The following USP34 variants were observed in gnomAD, a reference collection of about 807,000 sequenced individuals.
The protein encoded by USP34 is ubiquitin specific peptidase 34, also known as ubiquitin carboxyl-terminal hydrolase 34.
A neutral mutation model predicts 460.3 loss-of-function variants in USP34; 70 were observed. The observed-to-expected ratio is 0.15, with a 90% confidence interval of 0.13 to 0.19. USP34 has a LOEUF of 0.19. Ranked by LOEUF, USP34 falls within the 10% of genes least tolerant of loss-of-function variation. USP34 has a pLI of 1.00. For synonymous variants in USP34, 1,647 were observed against 1,405.3 expected (o/e 1.17, Z -3.85); for missense variants, 3,985 against 4,236.2 (o/e 0.94, Z 1.65).
At chr2:61,355,518 A>T (rs879925466) in intron 10 of USP34, among the ~76,000 whole-genome samples, 4 of 152,214 alleles carry the variant, frequency 2.6e-5, no homozygotes, top group Non-Finnish European at 5.9e-5. Context: ...GTATAAATTG[A>T]AATTAGATTG....
intron 71 of USP34, 82 bp downstream of exon 71, chr2:61,206,678 T>G: frequency 6.6e-7 from 1 of 1,521,952 alleles, no homozygotes; most frequent in South Asian, 1.3e-5. Flanking sequence ...TAAAAACAAT[T>G]TCTCTGGGGC....
chr2:61,349,224 C>A (rs374524903), intron 13 of USP34, 26 bp downstream of exon 13: 9 of 1,605,676 alleles, frequency 5.6e-6, no homozygotes, highest in African/African-American at 4.0e-5. Context: ...AGTCATGTTG[C>A]CATGAATTTC....
chr2:61,204,791 T>C (rs1034173737), intron 72 of USP34, among the ~76,000 whole-genome samples, 190 bp from the exon 73 acceptor site: 4 of 152,156 alleles, frequency 2.6e-5, no homozygotes, highest in Admixed American at 1.3e-4. Flanking sequence ...TTAACGACAA[T>C]AGGGCATCAT....
intron 15 of USP34, among the ~76,000 whole-genome samples, chr2:61,344,731 C>T (rs546864802): frequency 6.6e-6 from 1 of 152,240 alleles, no homozygotes; most frequent in Admixed American, 6.5e-5. Flanking sequence ...GCTTTGTCTT[C>T]ATCATGAGCT....
At chr2:61,387,643 TA>T (rs570087560) in intron 5 of USP34, among the ~76,000 whole-genome samples, 74 of 146,600 alleles carry the variant, frequency 5.0e-4, no homozygotes, top group African/African-American at 1.6e-3. Context: ...CACACATATA[TA>T]AAAATATATA....
chr2:61,443,110 A>T (rs1307759768), intron 1 of USP34, among the ~76,000 whole-genome samples: 1 of 152,170 alleles, frequency 6.6e-6, no homozygotes, highest in Non-Finnish European at 1.5e-5. Flanking sequence ...TAAAAAGTAG[A>T]ACAGAGGATA....
intron 67 of USP34, among the ~76,000 whole-genome samples, chr2:61,217,880 G>A (rs1247427187): frequency 2.0e-5 from 3 of 152,040 alleles, no homozygotes; most frequent in East Asian, 1.9e-4. Flanking sequence ...GCTTGAACCC[G>A]GGAGGCGGAG....
Position 61,187,923 on chromosome 2 carries a change from A to G in USP34, c.*179T>C, listed in dbSNP as rs1686485894. The G allele has an allele frequency of 6.3e-6, 9 of 1,430,734 alleles. No homozygotes were observed. Among genetic ancestry groups the G allele is most frequent in the Non-Finnish European group, 8.3e-6 (9 of 1,090,376 alleles). The allele number at this position is 1,430,734 out of a possible 1,614,324, so 88.6% of individuals were successfully genotyped here. Reference sequence around the variant, plus strand: ...TTGCCCTTTAGGAAGTATACTGAAGATGCAAGTTTTTTTCATCTGGAGTTC... The same window carrying G: ...TTGCCCTTTAGGAAGTATACTGAAGGTGCAAGTTTTTTTCATCTGGAGTTC... On this transcript the variant is annotated 3_prime_UTR_variant, in exon 80 of 80. Coordinates refer to ENST00000398571, the MANE Select transcript of USP34 (RefSeq NM_014709.4).
At position 61,248,495 on chromosome 2, in the gene USP34, G is replaced by C. The variant is rs1412608898; in HGVS notation, c.6394+16C>G. The C allele has an allele frequency of 6.5e-7, 1 of 1,539,038 alleles. No homozygotes were observed. Among genetic ancestry groups the C allele is most frequent in the South Asian group, 1.2e-5 (1 of 80,228 alleles). On this transcript the variant is annotated intron_variant, in intron 49 of 79. Coordinates refer to ENST00000398571, the MANE Select transcript of USP34 (RefSeq NM_014709.4). ...TGACAATAATCACAGACAAGAGAAA[G>C]AAATGAAAAAATCACCTTCTTTCCT... is the stretch of plus-strand genomic sequence containing the variant.
At chr2:61,223,573 C>CT (rs569962717) in intron 62 of USP34, 32,653 of 230,138 alleles carry the variant, frequency 0.14, 1,401 homozygotes, top group African/African-American at 0.17. Context: ...ATTTTACTTA[C>CT]TTTTTTTTTT....
chr2:61,238,981 ATATAT>A (rs1284905283), intron 53 of USP34, among the ~76,000 whole-genome samples: 3 of 150,898 alleles, frequency 2.0e-5, no homozygotes, highest in Middle Eastern at 3.2e-3. Context: ...ATATATTATT[ATATAT>A]TATATTATTA....
In USP34 at chr2:61,339,487, A is replaced by T; in HGVS notation, c.2617-9T>A. The T allele has an allele frequency of 6.4e-7, 1 of 1,562,286 alleles. No individual in the cohort carries two copies. The highest frequency in any genetic ancestry group is 2.3e-5 in the East Asian group (1 of 43,068). On this transcript the variant is annotated splice_polypyrimidine_tract_variant and intron_variant, in intron 17 of 79. Transcript: ENST00000398571. The stretch of plus-strand genomic sequence containing the variant: ...CCTTCAGAAAGATTAACCTATAAAA[A>T]ATGTATATAAAATTACTATTTATCC...
intron 43 of USP34, among the ~76,000 whole-genome samples, chr2:61,263,523 C>T (rs1418077459): frequency 2.0e-5 from 3 of 150,934 alleles, no homozygotes; most frequent in Non-Finnish European, 4.4e-5. Context: ...GCTCTGTCGC[C>T]TAGGCTGCAG....
chr2:61,368,259 C>T (rs1206408988), intron 10 of USP34, among the ~76,000 whole-genome samples: 3 of 152,244 alleles, frequency 2.0e-5, no homozygotes, highest in Admixed American at 6.5e-5. Flanking sequence ...TGGTGAAACC[C>T]GGTCTCTACT....
intron 1 of USP34, among the ~76,000 whole-genome samples, chr2:61,430,966 C>T (rs1694659568): frequency 6.6e-6 from 1 of 151,752 alleles, no homozygotes; most frequent in South Asian, 2.1e-4. Context: ...GATCGTGCGC[C>T]CCTGCACTGA....
At position 61,283,299 on chromosome 2, in the gene USP34, T is replaced by TAAAACAGTTCACTATA. The variant is rs764024702; in HGVS notation, c.4874-31_4874-30insTATAGTGAACTGTTTT. 3 of 1,603,838 alleles carry TAAAACAGTTCACTATA rather than the reference T, an allele frequency of 1.9e-6. No individual in the cohort carries two copies. In the Admixed American group the frequency reaches 5.1e-5, roughly 27 times the overall value. On this transcript the variant is annotated intron_variant, in intron 36 of 79. Transcript: ENST00000398571. ...AGAAAAATTAGAAAACAGTTCACTA[T>TAAAACAGTTCACTATA]AAAAGGTTTGTGCTAAAATGAAAAC...
At chr2:61,225,000 A>G (rs1687687193) in intron 62 of USP34, among the ~76,000 whole-genome samples, 1 of 152,176 alleles carries the variant, frequency 6.6e-6, no homozygotes, top group Non-Finnish European at 1.5e-5. Flanking sequence ...TTCAGTGGGA[A>G]ATGAAACCTA....
chr2:61,378,913 G>GAAAAAAAAACAAAA (rs1692879905), intron 7 of USP34, among the ~76,000 whole-genome samples: 2 of 57,872 alleles, frequency 3.5e-5, no homozygotes, highest in Non-Finnish European at 5.7e-5. Flanking sequence ...TCAAAAAAAC[G>GAAAAAAAAACAAAA]AAAAAAAAAA....
intron 43 of USP34, 96 bp downstream of exon 43, chr2:61,265,300 AT>A: frequency 7.4e-7 from 1 of 1,351,424 alleles, no homozygotes; most frequent in Non-Finnish European, 1.0e-6. Flanking sequence ...TTCACAAATT[AT>A]TTTTTCAAAC....
Sources: allele counts gnomAD v4.1 joint callset (sites outside exome capture counted in the v4.1 genomes callset), GRCh38; gene constraint gnomAD v4.1.1; transcripts MANE v1.5; gene names NCBI Gene and HGNC (gene_info 2026-07-23, HGNC 2026-07-21).